Variants in TNFRSF21 observed in about 807,000 individuals in gnomAD.
TNFRSF21 encodes TNF receptor superfamily member 21.
TNFRSF21 carries 19 observed loss-of-function variants against 45.6 expected under a neutral mutation model. The ratio of observed to expected loss-of-function variants is 0.42; its 90% CI spans 0.29 to 0.61. TNFRSF21 has a LOEUF of 0.61. Among genes scored for constraint, TNFRSF21 ranks in the 20% least tolerant of loss-of-function variants. TNFRSF21 has a pLI of 0.23. For synonymous variants in TNFRSF21, 314 were observed against 335.5 expected, an observed-to-expected ratio of 0.94 and a Z score of 0.70; for missense variants, 737 against 851.5, an observed-to-expected ratio of 0.87 and a Z score of 1.67.
At chr6:47,233,055 G>A (rs1764611705) in intron 5 of TNFRSF21, 61 bp from the exon 6 acceptor site, 1 of 1,518,182 alleles carries the variant, frequency 6.6e-7, no homozygotes, top group South Asian at 1.1e-5. Flanking sequence ...AAGGCCTGGA[G>A]GAAGGAGAGC....
intron 3 of TNFRSF21, among the ~76,000 whole-genome samples, chr6:47,257,162 C>T (rs148910630): frequency 6.6e-6 from 1 of 151,780 alleles, no homozygotes; most frequent in Admixed American, 6.6e-5. Flanking sequence ...TTAAGTTTAA[C>T]AACCCCTCCT....
intron 3 of TNFRSF21, among the ~76,000 whole-genome samples, chr6:47,265,342 T>C (rs1482888092): frequency 6.6e-6 from 1 of 152,186 alleles, no homozygotes; most frequent in African/African-American, 2.4e-5. Flanking sequence ...TTTGCTAAGG[T>C]AATAATTTTT....
intron 3 of TNFRSF21, among the ~76,000 whole-genome samples, chr6:47,277,813 T>C (rs1473291777): frequency 6.6e-6 from 1 of 152,206 alleles, no homozygotes; most frequent in Non-Finnish European, 1.5e-5. Context: ...GTTTATGAAT[T>C]TCTAGTCTAT....
intron 4 of TNFRSF21, among the ~76,000 whole-genome samples, chr6:47,237,983 G>T (rs538224639): frequency 3.9e-5 from 6 of 152,170 alleles, no homozygotes; most frequent in Non-Finnish European, 7.3e-5. Flanking sequence ...CAGGGAGGTG[G>T]AGGTTGCAGT....
chr6:47,257,458 C>T (rs1320837449), intron 3 of TNFRSF21, among the ~76,000 whole-genome samples: 1 of 152,208 alleles, frequency 6.6e-6, no homozygotes, highest in African/African-American at 2.4e-5. Context: ...ATCAATGACT[C>T]CCTCAGGGGA....
chr6:47,298,283 T>TA (rs1762817653), intron 1 of TNFRSF21, among the ~76,000 whole-genome samples: 2 of 84,636 alleles, frequency 2.4e-5, no homozygotes, highest in Non-Finnish European at 4.9e-5. Flanking sequence ...CTACAAAAAA[T>TA]TAAAAAAAAA....
At chr6:47,275,315 C>A (rs764623823) in intron 3 of TNFRSF21, among the ~76,000 whole-genome samples, 2 of 152,158 alleles carry the variant, frequency 1.3e-5, no homozygotes, top group African/African-American at 4.8e-5. Flanking sequence ...CCATGGAATA[C>A]TATGCAGCCA....
chr6:47,309,352 C>T, intron 1 of TNFRSF21, 64 bp downstream of exon 1: 1 of 1,489,052 alleles, frequency 6.7e-7, no homozygotes, highest in South Asian at 1.3e-5. Context: ...ACCCGCCCGG[C>T]TCCCGGAGAG....
chr6:47,292,378 A>T (rs1185157564), intron 1 of TNFRSF21, among the ~76,000 whole-genome samples: 2 of 140,024 alleles, frequency 1.4e-5, no homozygotes, highest in African/African-American at 5.8e-5. Flanking sequence ...GGGAAGCTTT[A>T]AAAAAAAAAA....
At chr6:47,241,717 G>A (rs575101726) in intron 4 of TNFRSF21, among the ~76,000 whole-genome samples, 3 of 152,212 alleles carry the variant, frequency 2.0e-5, no homozygotes, top group South Asian at 2.1e-4. Context: ...TCTTTGCTTC[G>A]TAAGTCTTCT....
chr6:47,284,452 G>A lies in TNFRSF21; in HGVS notation c.749-20C>T. The stretch of plus-strand genomic sequence containing the variant: ...TCATGCCTAGAAAAAAGAGTAAGGA[G>A]GGGGGAAGAGCTTTTCCATATTTGG... On this transcript the variant is annotated intron_variant, in intron 2 of 5. Transcript: ENST00000296861. 2.0e-6 allele frequency: 3 copies of A among 1,505,776 alleles called. No individual in the cohort carries two copies. Among genetic ancestry groups the A allele is most frequent in the Non-Finnish European group, 2.7e-6 (3 of 1,129,344 alleles). 93.3% of individuals were successfully genotyped at this position (1,505,776 alleles called of 1,614,324 possible).
chr6:47,273,463 G>A (rs576707508), intron 3 of TNFRSF21, among the ~76,000 whole-genome samples: 146 of 152,112 alleles, frequency 9.6e-4, no homozygotes, highest in Middle Eastern at 3.4e-3. Context: ...ATTCAACAGC[G>A]CTTCATGCTA....
intron 4 of TNFRSF21, among the ~76,000 whole-genome samples, chr6:47,244,468 T>A (rs1306778993): frequency 6.6e-6 from 1 of 152,158 alleles, no homozygotes; most frequent in South Asian, 2.1e-4. Flanking sequence ...TTTCAACCTG[T>A]GATTATTTTG....
At chr6:47,290,164 T>C (rs186338664) in intron 1 of TNFRSF21, among the ~76,000 whole-genome samples, 84 of 152,274 alleles carry the variant, frequency 5.5e-4, no homozygotes, top group Admixed American at 2.0e-3. Flanking sequence ...TTGAAAGCTG[T>C]ATTAGTAACC....
intron 1 of TNFRSF21, 28 bp downstream of exon 1, chr6:47,309,388 G>T (rs780094989): frequency 1.3e-6 from 2 of 1,518,550 alleles, no homozygotes; most frequent in African/African-American, 2.9e-5. Flanking sequence ...CGGCGCCGCC[G>T]CCACCCCCGG....
chr6:47,260,452 G>A (rs1325836939), intron 3 of TNFRSF21, among the ~76,000 whole-genome samples: 1 of 152,212 alleles, frequency 6.6e-6, no homozygotes, highest in Admixed American at 6.5e-5. Context: ...GCAATTTCCA[G>A]TGCATCATAA....
At chr6:47,256,222 T>C (rs1434724326) in intron 3 of TNFRSF21, among the ~76,000 whole-genome samples, 2 of 152,164 alleles carry the variant, frequency 1.3e-5, no homozygotes, top group African/African-American at 2.4e-5. Flanking sequence ...GCTGTTTTCC[T>C]GTCAACTATA....
intron 3 of TNFRSF21, among the ~76,000 whole-genome samples, chr6:47,277,996 T>C (rs1249949227): frequency 1.3e-5 from 2 of 152,192 alleles, no homozygotes; most frequent in Non-Finnish European, 2.9e-5. Context: ...GAAGCTGCCT[T>C]GGCCTTTGAA....
chr6:47,284,894 C>A (rs551996209), intron 2 of TNFRSF21, among the ~76,000 whole-genome samples: 1 of 152,302 alleles, frequency 6.6e-6, no homozygotes, highest in South Asian at 2.1e-4. Flanking sequence ...AATTCAAATG[C>A]AAATTTGACT....
Sources: allele counts gnomAD v4.1 joint callset (sites outside exome capture counted in the v4.1 genomes callset), GRCh38; gene constraint gnomAD v4.1.1; transcripts MANE v1.5; gene names NCBI Gene and HGNC (gene_info 2026-07-23, HGNC 2026-07-21).